Variants in LZTR1 observed in about 807,000 individuals in gnomAD.
LZTR1 encodes the protein leucine zipper like post translational regulator 1.
In LZTR1, 260 loss-of-function variants were observed where a neutral mutation model predicts 105.7. That is an observed-to-expected ratio of 2.46 (90% CI 2.22 to 2.72). The LOEUF is 2.72. LZTR1 is among the 30% of genes most tolerant of loss of function. The pLI is 0.00. For synonymous variants in LZTR1, 490 were observed against 476.4 expected (o/e 1.03, Z -0.37); for missense variants, 1,214 against 1,166.9 (o/e 1.04, Z -0.59).
chr22:20,989,530 G>A, intron 6 of LZTR1, 95 bp from the exon 7 acceptor site: 4 of 987,940 alleles, frequency 4.0e-6, no homozygotes, highest in South Asian at 2.5e-5. Flanking sequence ...CTGTGTGGGG[G>A]TGGGGCTCCT....
At chr22:20,989,498 A>G (rs1260651286) in intron 6 of LZTR1, 127 bp from the exon 7 acceptor site, 11 of 806,674 alleles carry the variant, frequency 1.4e-5, no homozygotes, top group Non-Finnish European at 2.4e-5. Context: ...TTCCCGCCTC[A>G]TGGCCGCACA....
chr22:20,993,627 C>A, intron 11 of LZTR1, 35 bp from the exon 12 acceptor site: 1 of 1,581,740 alleles, frequency 6.3e-7, no homozygotes, highest in Non-Finnish European at 8.7e-7. Context: ...ACCCTGCTGT[C>A]TGCAACATCT....
Position 20,989,676 on chromosome 22 carries a change from G to A in LZTR1, c.645G>A (p.Trp215Ter). Residue 215 changes from tryptophan (W) to a stop codon, truncating the protein, a stop_gained, in exon 7 of 21, where the codon TGG becomes TGA. Coordinates refer to ENST00000646124, the MANE Select transcript of LZTR1 (RefSeq NM_006767.4). LOFTEE classifies it high-confidence loss of function. Reference sequence around the variant, plus strand: ...TCCAGGACCGAGAGCTCACCTGCTGGGAGGAGGTGAGGGGCGTGGGGAGCC... The same window carrying A: ...TCCAGGACCGAGAGCTCACCTGCTGAGAGGAGGTGAGGGGCGTGGGGAGCC... Reference protein sequence around the residue: ...IGLQDRELTCWEEVAQSGEIP... With the variant: ...IGLQDRELTC The A allele has an allele frequency of 3.1e-6, 5 of 1,608,272 alleles. No individual in the cohort carries two copies. The highest frequency in any genetic ancestry group is 4.3e-6 in the Non-Finnish European group (5 of 1,176,352).
rs1555927561 is a variant in LZTR1 at position 20,987,584 on chromosome 22, G to C, written c.400+1G>C. 2 of 1,613,886 alleles carry C rather than the reference G, an allele frequency of 1.2e-6. No individual in the cohort carries two copies. Among genetic ancestry groups the C allele is most frequent in the African/African-American group, 1.3e-5 (1 of 74,922 alleles). ...TATGGGAGCAGCATGTTTGTCTTTG[G>C]TAAGCAGCCTCTTGCCTCCCAGGGG... On this transcript the variant is annotated splice_donor_variant, in intron 4 of 20. Coordinates refer to ENST00000646124, the MANE Select transcript of LZTR1 (RefSeq NM_006767.4). LOFTEE classifies it high-confidence loss of function.
chr22:20,988,220 C>A (rs2269779), intron 5 of LZTR1, 102 bp downstream of exon 5: 4 of 719,480 alleles, frequency 5.6e-6, no homozygotes, highest in African/African-American at 5.4e-5. Flanking sequence ...CCTGAGGGCA[C>A]GCAATAGCAG....
chr22:20,990,502 C>A lies in LZTR1; in HGVS notation c.768C>A (p.Phe256Leu), dbSNP rs1226855460. The A allele has an allele frequency of 6.2e-7, 1 of 1,612,928 alleles. No homozygotes were observed. The highest frequency in any genetic ancestry group is 1.3e-5 in the African/African-American group (1 of 74,910). Residue 256 changes from phenylalanine to leucine, a missense_variant, in exon 8 of 21, where the codon TTC (phenylalanine) becomes TTA (leucine). Coordinates refer to ENST00000646124, the MANE Select transcript of LZTR1 (RefSeq NM_006767.4). ...GAGCCAAAATAACCAACAACCTCTT[C>A]CAGTTTGAATTCAAGGACAAGACGT... is the stretch of plus-strand genomic sequence containing the variant. ...QSGAKITNNL[F>L]QFEFKDKTWT...
In LZTR1 at chr22:20,998,507, T is replaced by C. The variant is rs935516381; in HGVS notation, c.*1159T>C. On this transcript the variant is annotated 3_prime_UTR_variant, in exon 21 of 21. Transcript: ENST00000646124. ...GACCCCTTTCTTGTTGTGGCTGCCATGAAGCCACAGCTCCTTGGGGAAGTG... is the reference window on the plus strand; with the variant it reads ...GACCCCTTTCTTGTTGTGGCTGCCACGAAGCCACAGCTCCTTGGGGAAGTG... 6.6e-6 allele frequency: 1 copy of C among 152,338 alleles called. No individual in the cohort carries two copies. Among genetic ancestry groups the C allele is most frequent in the Non-Finnish European group, 1.5e-5 (1 of 68,130 alleles). The allele number at this position is 152,338 out of a possible 1,614,324, so 9.4% of individuals were successfully genotyped here.
At position 20,987,489 on chromosome 22, in the gene LZTR1, C is replaced by A. The variant is rs1260755993; in HGVS notation, c.321-15C>A. The A allele has an allele frequency of 1.3e-6, 2 of 1,574,422 alleles. No individual in the cohort carries two copies. Among genetic ancestry groups the A allele is most frequent in the South Asian group, 1.1e-5 (1 of 90,454 alleles). On this transcript the variant is annotated splice_polypyrimidine_tract_variant and intron_variant, in intron 3 of 20. Coordinates refer to ENST00000646124, the MANE Select transcript of LZTR1 (RefSeq NM_006767.4). The stretch of plus-strand genomic sequence containing the variant: ...TGACCCCCGCTGACTCTCACCACCC[C>A]TGTGCCCACCCCAGGGCCTTTACCA...
chr22:20,997,313 G>C lies in LZTR1; in HGVS notation c.2488G>C (p.Asp830His), dbSNP rs143177199. The C allele has an allele frequency of 6.2e-7, 1 of 1,613,620 alleles. No individual in the cohort carries two copies. Among genetic ancestry groups the C allele is most frequent in the Non-Finnish European group, 8.5e-7 (1 of 1,180,002 alleles). ...IIDSLASHIS[D>H]KQCAELGADI ...AGACTCCCTGGCCTCCCACATCTCAGACAAGCAGTGCGCAGAGCTGGGCGC... is the reference window on the plus strand; with the variant it reads ...AGACTCCCTGGCCTCCCACATCTCACACAAGCAGTGCGCAGAGCTGGGCGC... The change falls in exon 21 of 21, where the codon GAC (aspartate) becomes CAC (histidine). Residue 830 changes from aspartate (D) to histidine (H), a missense_variant. Transcript: ENST00000646124.
chr22:20,992,526 C>A, intron 10 of LZTR1, 157 bp downstream of exon 10: 1 of 880,014 alleles, frequency 1.1e-6, no homozygotes, highest in Non-Finnish European at 1.7e-6. Context: ...CCCTGCTGGC[C>A]AGGCTGCAGC....
chr22:20,994,451 TCCTA>T, intron 14 of LZTR1, 103 bp from the exon 15 acceptor site: 1 of 1,352,868 alleles, frequency 7.4e-7, no homozygotes, highest in Non-Finnish European at 1.0e-6. Flanking sequence ...GAGGCCTTGT[TCCTA>T]CCTAGTGGCC....
intron 3 of LZTR1, 105 bp from the exon 4 acceptor site, chr22:20,987,388 CAAAAAAAAAAA>C: frequency 1.9e-6 from 1 of 530,240 alleles, no homozygotes; most frequent in East Asian, 3.1e-5. Context: ...GACTCCGTCT[CAAAAAAAAAAA>C]AAAAGAAAAA....
chr22:20,986,423 A>AAAAT (rs1168187922), intron 3 of LZTR1: 2 of 122,528 alleles, frequency 1.6e-5, no homozygotes, highest in East Asian at 4.7e-4. Context: ...GATAGAAAGA[A>AAAAT]AGATAGATAG....
At chr22:20,984,678 C>T (rs774743171) in intron 2 of LZTR1, among the ~76,000 whole-genome samples, 7 of 151,768 alleles carry the variant, frequency 4.6e-5, no homozygotes, top group Non-Finnish European at 1.0e-4. Context: ...GCTGCATGGC[C>T]TCAGACACAG....
At chr22:20,993,845 G>T in intron 12 of LZTR1, 79 bp from the exon 13 acceptor site, 1 of 1,565,186 alleles carries the variant, frequency 6.4e-7, no homozygotes. Context: ...GCCTGGTGGT[G>T]CTGACCTTGG....
chr22:20,991,748 C>G lies in LZTR1; in HGVS notation c.912C>G (p.Asp304Glu). 1.3e-6 allele frequency: 2 copies of G among 1,566,862 alleles called. No homozygotes were observed. Among genetic ancestry groups the G allele is most frequent in the Non-Finnish European group, 1.7e-6 (2 of 1,155,698 alleles). Residue 304 changes from aspartate to glutamate, a missense_variant, in exon 9 of 21, where the codon GAC becomes GAG. Coordinates refer to ENST00000646124, the MANE Select transcript of LZTR1 (RefSeq NM_006767.4). ...TCTATGTGTTTGGGGGTGCGGCCGA[C>G]AACACGCTGCCCAACGAGCTGCACT... ...RHLYVFGGAADNTLPNELHCY... is the reference protein window; with the variant it reads ...RHLYVFGGAAENTLPNELHCY...
At position 20,994,184 on chromosome 22, in the gene LZTR1, C is replaced by G; in HGVS notation, c.1530C>G (p.His510Gln). The part of the protein sequence containing the change: ...AAGGARPPLL[H>Q]VAIREAEARP... ...GTGGGGCCCGGCCGCCCCTGCTGCA[C>G]GTGGCCATCCGGGAGGCCGAGGCCC... The change falls in exon 14 of 21, where the codon CAC (histidine) becomes CAG (glutamine). Residue 510 changes from histidine (H) to glutamine (Q), a missense_variant. Coordinates refer to ENST00000646124, the MANE Select transcript of LZTR1 (RefSeq NM_006767.4). 6.2e-7 allele frequency: 1 copy of G among 1,602,814 alleles called. No individual in the cohort carries two copies. Among genetic ancestry groups the G allele is most frequent in the South Asian group, 1.1e-5 (1 of 90,584 alleles).
At position 20,993,914 on chromosome 22, in the gene LZTR1, C is replaced by G. The variant is rs749176226; in HGVS notation, c.1354-10C>G. 2.1e-5 allele frequency: 34 copies of G among 1,610,346 alleles called. No homozygotes were observed. The highest frequency in any genetic ancestry group is 2.9e-5 in the Non-Finnish European group (34 of 1,179,172). On this transcript the variant is annotated splice_polypyrimidine_tract_variant and intron_variant, in intron 12 of 20. Coordinates refer to ENST00000646124, the MANE Select transcript of LZTR1 (RefSeq NM_006767.4). ...CTGTGCCCTCTGCCAGTGCATCATT[C>G]TTTGTGCAGAAGGAGGAGTGCGTGC...
Position 20,983,163 on chromosome 22 carries a change from C to G in LZTR1, c.263+74C>G. On this transcript the variant is annotated intron_variant, in intron 2 of 20. Coordinates refer to ENST00000646124, the MANE Select transcript of LZTR1 (RefSeq NM_006767.4). ...GTGGTCAGGGACTGGGCCTGTCCAG[C>G]TCCATTACTGTCCTTTCAGATGCTA... 8.5e-6 allele frequency: 11 copies of G among 1,299,038 alleles called. No homozygotes were observed. The South Asian group carries it at 1.3e-4, about 15-fold the overall frequency. 80.5% of individuals were successfully genotyped at this position (1,299,038 alleles called of 1,614,324 possible).
Sources: gnomAD v4.1 joint callset for allele counts (sites outside exome capture counted in the v4.1 genomes callset) on GRCh38, gnomAD v4.1.1 for gene constraint, MANE v1.5 for transcripts, NCBI Gene and HGNC (gene_info 2026-07-23, HGNC 2026-07-21) for gene names.